The following CSMD1 variants were observed in gnomAD, a reference collection of about 807,000 sequenced individuals.
CSMD1 encodes CUB and Sushi multiple domains 1.
CSMD1 carries 213 observed loss-of-function variants against 417.5 expected under a neutral mutation model. That is an observed-to-expected ratio of 0.51 (90% CI 0.46 to 0.57). The LOEUF is 0.57. Among genes scored for constraint, CSMD1 ranks in the 20% least tolerant of loss-of-function variants. CSMD1 has a pLI of 0.00. For missense variants in CSMD1, 6,923 were observed against 4,529.7 expected, an observed-to-expected ratio of 1.53 and a Z score of -15.17; for synonymous variants, 2,862 against 1,736.8, an observed-to-expected ratio of 1.65 and a Z score of -16.11.
chr8:3,136,672 A>T (rs747330452), intron 41 of CSMD1, among the ~76,000 whole-genome samples: 1 of 152,132 alleles, frequency 6.6e-6, no homozygotes, highest in Non-Finnish European at 1.5e-5. Flanking sequence ...CCCAGGGTAC[A>T]CTCAGAGCTG....
At position 3,479,995 on chromosome 8, in the gene CSMD1, A is replaced by G. The variant is rs553995319; in HGVS notation, c.1449-11171T>C. On this transcript the variant is annotated intron_variant, in intron 11 of 69. Coordinates refer to ENST00000635120, the MANE Select transcript of CSMD1 (RefSeq NM_033225.6). Reference sequence around the variant, plus strand: ...CTTAATATTAAAATTGAAATGAGCAATAATAGAATCAGTGAACTTGAGATC... The same window carrying G: ...CTTAATATTAAAATTGAAATGAGCAGTAATAGAATCAGTGAACTTGAGATC... Among the ~76,000 whole-genome samples, 21 of 152,352 alleles carry G rather than the reference A, an allele frequency of 1.4e-4. No individual in the cohort carries two copies. In the East Asian group the frequency reaches 4.0e-3, roughly 29 times the overall value.
chr8:4,731,942 G>A (rs957090498), intron 1 of CSMD1, among the ~76,000 whole-genome samples: 3 of 152,092 alleles, frequency 2.0e-5, no homozygotes, highest in Non-Finnish European at 4.4e-5. Context: ...TAGTGAGAAC[G>A]ATCACAACAG....
intron 26 of CSMD1, among the ~76,000 whole-genome samples, chr8:3,254,329 T>G (rs974696467): frequency 3.3e-5 from 5 of 152,180 alleles, no homozygotes; most frequent in Non-Finnish European, 7.3e-5. Flanking sequence ...ATTTTAACTT[T>G]GGTGAATCTG....
At chr8:4,541,532 G>C (rs938880111) in intron 2 of CSMD1, among the ~76,000 whole-genome samples, 1 of 151,960 alleles carries the variant, frequency 6.6e-6, no homozygotes, top group African/African-American at 2.4e-5. Context: ...CCTATTGCTT[G>C]AGGTCAGGAG....
rs1239117554 is a variant in CSMD1, at chr8:3,768,324, A to G, written c.819-14282T>C. ...ACCTTCCCACTCAGTGAATAATCCA[A>G]CCTAACTGTGGAAGCTCATCTTCAA... On this transcript the variant is annotated intron_variant, in intron 5 of 69. Coordinates refer to ENST00000635120, the MANE Select transcript of CSMD1 (RefSeq NM_033225.6). Among the ~76,000 whole-genome samples, 4 of 152,194 alleles carry G rather than the reference A, an allele frequency of 2.6e-5. No homozygotes were observed. The East Asian group carries it at 7.7e-4, about 29-fold the overall frequency.
rs73504741 is a variant in CSMD1 at position 3,814,625 on chromosome 8, G to A, written c.819-60583C>T. 6.8e-3 allele frequency among the ~76,000 whole-genome samples: 1,030 copies of A among 152,200 alleles called. 14 individuals are homozygous for A. Among genetic ancestry groups the A allele is most frequent in the African/African-American group, 0.023 (971 of 41,526 alleles). ...CTGGACATCCCACAGCACACAGAAC[G>A]GCCTCCCAAACAAAGAGCTATCCAA... is the stretch of plus-strand genomic sequence containing the variant. On this transcript the variant is annotated intron_variant, in intron 5 of 69. Coordinates refer to ENST00000635120, the MANE Select transcript of CSMD1 (RefSeq NM_033225.6).
At chr8:3,480,220 G>C (rs535521237) in intron 11 of CSMD1, among the ~76,000 whole-genome samples, 4 of 152,006 alleles carry the variant, frequency 2.6e-5, no homozygotes, top group African/African-American at 9.7e-5. Context: ...AAATTAGCTG[G>C]GTGTGGTGGC....
intron 1 of CSMD1, among the ~76,000 whole-genome samples, chr8:4,912,400 G>A (rs1350397158): frequency 1.3e-5 from 2 of 151,816 alleles, no homozygotes; most frequent in East Asian, 3.9e-4. Context: ...ACTTGCTGTG[G>A]GGTTGTCTAG....
intron 5 of CSMD1, among the ~76,000 whole-genome samples, chr8:3,920,022 T>C (rs1188599557): frequency 6.6e-6 from 1 of 151,738 alleles, no homozygotes; most frequent in Non-Finnish European, 1.5e-5. Flanking sequence ...TTACCAAATT[T>C]GTTTTTTACT....
intron 4 of CSMD1, among the ~76,000 whole-genome samples, chr8:4,028,313 T>A (rs1490307699): frequency 1.3e-5 from 2 of 152,126 alleles, no homozygotes; most frequent in Non-Finnish European, 2.9e-5. Flanking sequence ...TCCCCACCTA[T>A]AATATGAATC....
At chr8:4,226,586 A>C (rs1801370640) in intron 3 of CSMD1, among the ~76,000 whole-genome samples, 1 of 152,222 alleles carries the variant, frequency 6.6e-6, no homozygotes, top group African/African-American at 2.4e-5. Context: ...ACTTATTAAA[A>C]GGGCTGTATT....
chr8:3,953,492 G>C (rs1218217721), intron 5 of CSMD1, among the ~76,000 whole-genome samples: 2 of 152,158 alleles, frequency 1.3e-5, no homozygotes, highest in Non-Finnish European at 2.9e-5. Flanking sequence ...TATGGGCTGA[G>C]TTTGGGGGTT....
chr8:3,273,427 C>T (rs1802026423), intron 26 of CSMD1, among the ~76,000 whole-genome samples: 1 of 152,110 alleles, frequency 6.6e-6, no homozygotes, highest in South Asian at 2.1e-4. Flanking sequence ...GCTTTGGTAT[C>T]AGGATGATGC....
intron 49 of CSMD1, among the ~76,000 whole-genome samples, chr8:3,058,005 G>A (rs1183792711): frequency 6.6e-6 from 1 of 152,036 alleles, no homozygotes; most frequent in African/African-American, 2.4e-5. Flanking sequence ...CCGCCCAGTC[G>A]GCTTATTCTC....
At chr8:3,585,487 A>C (rs1800561101) in intron 9 of CSMD1, among the ~76,000 whole-genome samples, 1 of 152,186 alleles carries the variant, frequency 6.6e-6, no homozygotes, top group Non-Finnish European at 1.5e-5. Flanking sequence ...TTTCATTTTA[A>C]AACAACCAAA....
chr8:4,125,185 C>T (rs1306399947), intron 3 of CSMD1, among the ~76,000 whole-genome samples: 1 of 152,056 alleles, frequency 6.6e-6, no homozygotes, highest in Non-Finnish European at 1.5e-5. Context: ...CTTGGGGCCC[C>T]AAAATTACTA....
At chr8:3,241,612 C>T in intron 26 of CSMD1, among the ~76,000 whole-genome samples, 1 of 152,078 alleles carries the variant, frequency 6.6e-6, no homozygotes, top group Non-Finnish European at 1.5e-5. Context: ...ACAGACGGGA[C>T]ACGGTTTAGG....
chr8:4,081,402 G>T (rs1158701843), intron 3 of CSMD1, among the ~76,000 whole-genome samples: 1 of 152,126 alleles, frequency 6.6e-6, no homozygotes, highest in African/African-American at 2.4e-5. Flanking sequence ...ATTATAAAAG[G>T]CTTTGCAGCT....
intron 7 of CSMD1, among the ~76,000 whole-genome samples, chr8:3,667,466 G>T (rs1679861797): frequency 1.3e-5 from 2 of 152,072 alleles, no homozygotes; most frequent in Admixed American, 6.5e-5. Flanking sequence ...GGGCACTACA[G>T]CCCTGGCAAA....
Sources: gnomAD v4.1 joint callset for allele counts (sites outside exome capture counted in the v4.1 genomes callset) on GRCh38, gnomAD v4.1.1 for gene constraint, MANE v1.5 for transcripts, NCBI Gene and HGNC (gene_info 2026-07-23, HGNC 2026-07-21) for gene names.